Variants in SPTBN2 observed in about 807,000 individuals in gnomAD.
SPTBN2 encodes spectrin beta chain, non-erythrocytic 2.
A neutral mutation model predicts 284.2 loss-of-function variants in SPTBN2; 107 were observed. That is an observed-to-expected ratio of 0.38 (90% CI 0.32 to 0.44). The LOEUF (loss-of-function observed/expected upper bound fraction) is 0.44, where lower values mean the gene tolerates loss of function less well. SPTBN2 is among the 20% of genes least tolerant of loss of function. The pLI, the probability that SPTBN2 is intolerant of heterozygous loss-of-function variation, is 1.00. For synonymous variants in SPTBN2, 1,289 were observed against 1,354.8 expected, an observed-to-expected ratio of 0.95 and a Z score of 1.07; for missense variants, 2,569 against 3,287.1, an observed-to-expected ratio of 0.78 and a Z score of 5.34.
chr11:66,721,216 CTG>C lies in SPTBN2; in HGVS notation c.23_24del (p.Thr8ArgfsTer3). On this transcript the variant is annotated frameshift_variant, in exon 3 of 38. Coordinates refer to ENST00000533211, the MANE Select transcript of SPTBN2 (RefSeq NM_006946.4). LOFTEE classifies it high-confidence loss of function. MSSTLSP[T>X]DFDSLEIQGQ... ...CCCTGGATTTCCAAGCTGTCAAAGT[CTG>C]TGGGTGACAGCGTGCTGCTCATGGT... is the stretch of plus-strand genomic sequence containing the variant. 6.2e-7 allele frequency: 1 copy of C among 1,614,182 alleles called. No individual in the cohort carries two copies. The highest frequency in any genetic ancestry group is 8.5e-7 in the Non-Finnish European group (1 of 1,180,042).
rs1017072990 is a variant in SPTBN2, at chr11:66,696,490, C to T, written c.4065G>A (p.Ser1355=). ...LEKPELKALV[S]EKLRDLHRRW... ...GCCTGTGCAGGTCTCTCAGCTTCTCCGACACCAGGGCTTTCAGCTCTGGCT... is the reference window on the plus strand; with the variant it reads ...GCCTGTGCAGGTCTCTCAGCTTCTCTGACACCAGGGCTTTCAGCTCTGGCT... Residue 1355 remains serine (S), a synonymous_variant, in exon 21 of 38, where the codon TCG becomes TCA. Coordinates refer to ENST00000533211, the MANE Select transcript of SPTBN2 (RefSeq NM_006946.4). The T allele has an allele frequency of 9.3e-6, 15 of 1,612,162 alleles. No homozygotes were observed. The highest frequency in any genetic ancestry group is 1.6e-4 in the Middle Eastern group (1 of 6,084).
rs1259468529 is a variant in SPTBN2 at position 66,700,849 on chromosome 11, T to C, written c.3250A>G (p.Thr1084Ala). 6.2e-7 allele frequency: 1 copy of C among 1,600,030 alleles called. No homozygotes were observed. The highest frequency in any genetic ancestry group is 8.5e-7 in the Non-Finnish European group (1 of 1,179,794). ...LDDFQAWLGR[T>A]QTAVASEEGP... ...TCTTCAGAGGCCACAGCAGTCTGAG[T>C]GCGGCCTAGCCAGGCCTGGAAGTCA... is the stretch of plus-strand genomic sequence containing the variant. The change falls in exon 17 of 38, where the codon ACT becomes GCT. Residue 1084 changes from threonine (T) to alanine (A), a missense_variant. Transcript: ENST00000533211. This position sits in a 1 kb window ranked among gnomAD's most constrained non-coding sequence, Gnocchi z 6.6.
At chr11:66,689,258 G>A (rs1940369424) in intron 29 of SPTBN2, 78 bp from the exon 30 acceptor site, 1 of 1,439,716 alleles carries the variant, frequency 6.9e-7, no homozygotes, top group South Asian at 1.2e-5. Context: ...TCATCCAGGG[G>A]GACAGGTGAT....
At chr11:66,725,777 G>A (rs1202824656) in intron 1 of SPTBN2, among the ~76,000 whole-genome samples, 1 of 152,212 alleles carries the variant, frequency 6.6e-6, no homozygotes, top group African/African-American at 2.4e-5. Flanking sequence ...GGCGCTGCTG[G>A]AGGCAGACTA....
chr11:66,709,816 C>T (rs891667613), intron 10 of SPTBN2, among the ~76,000 whole-genome samples: 1 of 152,160 alleles, frequency 6.6e-6, no homozygotes, highest in Non-Finnish European at 1.5e-5. Context: ...AACAGAATTG[C>T]CTAACAGCAA....
In SPTBN2 at chr11:66,700,946, C is replaced by A; in HGVS notation, c.3153G>T (p.Arg1051Ser). The change falls in exon 17 of 38, where the codon AGG (arginine) becomes AGT (serine). Residue 1051 changes from arginine to serine, a missense_variant. Arg to Ser is a moderately radical substitution (Grantham distance 110). Around this residue, in one of 6 missense-constraint regions of SPTBN2, gnomAD observed 1,012 missense variants for 1,248.9 expected, o/e 0.81. Transcript: ENST00000533211. The surrounding 1 kb of genome is among the most constrained non-coding windows in gnomAD (Gnocchi z 6.6). Reference sequence around the variant, plus strand: ...ACTCTTCTCGACGCCGCATGGTGGCCCTGAGGTCCTCCCAGCCGGTCTGCA... The same window carrying A: ...ACTCTTCTCGACGCCGCATGGTGGCACTGAGGTCCTCCCAGCCGGTCTGCA... ...REVQTGWEDL[R>S]ATMRRREESL... is the part of the protein sequence containing the mutation. 1 of 1,604,272 alleles carries A rather than the reference C, an allele frequency of 6.2e-7. No individual in the cohort carries two copies. The highest frequency in any genetic ancestry group is 8.5e-7 in the Non-Finnish European group (1 of 1,179,840).
Position 66,715,435 on chromosome 11 carries a change from C to T in SPTBN2, c.310-40G>A, listed in dbSNP as rs1942093394. 3 of 1,579,752 alleles carry T rather than the reference C, an allele frequency of 1.9e-6. No individual in the cohort carries two copies. The highest frequency in any genetic ancestry group is 2.7e-5 in the African/African-American group (2 of 74,298). ...GGGCAAAATGGCACGGGACTGTGGG[C>T]TTCCACCTTCTTCCCCAGCCTTCAC... is the stretch of plus-strand genomic sequence containing the variant. On this transcript the variant is annotated intron_variant, in intron 4 of 37. Coordinates refer to ENST00000533211, the MANE Select transcript of SPTBN2 (RefSeq NM_006946.4). The surrounding 1 kb of genome is among the most constrained non-coding windows in gnomAD (Gnocchi z 5.3).
rs55950324 is a variant in SPTBN2 at position 66,683,063 on chromosome 11, A to ATTTTTTT, written c.*2801_*2807dup. Reference sequence around the variant, plus strand: ...ACCACCATGCCTGGCCAAGTAATCCATTTTTTTTTTTTTTTTTTTTTTGAG... The same window carrying ATTTTTTT: ...ACCACCATGCCTGGCCAAGTAATCCATTTTTTTTTTTTTTTTTTTTTTTTTTTTTGAG... On this transcript the variant is annotated 3_prime_UTR_variant, in exon 38 of 38. Coordinates refer to ENST00000533211, the MANE Select transcript of SPTBN2 (RefSeq NM_006946.4). Among the ~76,000 whole-genome samples the ATTTTTTT allele has an allele frequency of 6.3e-5, 6 of 95,730 alleles. No individual in the cohort carries two copies. The highest frequency in any genetic ancestry group is 9.3e-5 in the Non-Finnish European group (5 of 53,974). 62.8% of individuals were successfully genotyped at this position (95,730 alleles called of 152,430 possible).
In SPTBN2 at chr11:66,691,611, G is replaced by A. The variant is rs139852119; in HGVS notation, c.5238C>T (p.Ile1746=). ...FREFSRDTST[I]GQERVDSANA... ...TGGCGCTATCTACGCGCTCCTGACC[G>A]ATGGTGCTTGTGTCCCGGGAGAACT... Residue 1746 remains isoleucine, a synonymous_variant, in exon 27 of 38, where the codon ATC becomes ATT. Coordinates refer to ENST00000533211, the MANE Select transcript of SPTBN2 (RefSeq NM_006946.4). The surrounding 1 kb of genome is among the most constrained non-coding windows in gnomAD (Gnocchi z 8.0). The A allele has an allele frequency of 2.5e-5, 40 of 1,613,856 alleles. No homozygotes were observed. Among genetic ancestry groups the A allele is most frequent in the East Asian group, 2.5e-4 (11 of 44,890 alleles).
intron 29 of SPTBN2, 103 bp from the exon 30 acceptor site, chr11:66,689,283 C>T (rs1490905261): frequency 2.9e-5 from 32 of 1,107,566 alleles, no homozygotes; most frequent in Non-Finnish European, 3.9e-5. Flanking sequence ...TTCTTTCTTT[C>T]TTTTTTTTGA....
intron 19 of SPTBN2, 29 bp downstream of exon 19, chr11:66,698,963 G>A: frequency 6.2e-7 from 1 of 1,612,476 alleles, no homozygotes; most frequent in Non-Finnish European, 8.5e-7. Context: ...GATGGCTAGG[G>A]AATATCCCGG....
intron 15 of SPTBN2, among the ~76,000 whole-genome samples, chr11:66,702,954 A>C (rs955457079): frequency 6.6e-5 from 10 of 151,354 alleles, no homozygotes; most frequent in African/African-American, 2.4e-4. Flanking sequence ...AAAAAAAAAA[A>C]AAAAAACCAA....
intron 1 of SPTBN2, among the ~76,000 whole-genome samples, 153 bp from the exon 2 acceptor site, chr11:66,721,593 T>C (rs2135561479): frequency 6.6e-6 from 1 of 152,240 alleles, no homozygotes; most frequent in South Asian, 2.1e-4. Flanking sequence ...CTTCAGTGCT[T>C]CAGACAGCAG....
At chr11:66,690,898 A>C (rs535454801) in intron 27 of SPTBN2, among the ~76,000 whole-genome samples, 1 of 152,072 alleles carries the variant, frequency 6.6e-6, no homozygotes, top group Admixed American at 6.5e-5. Flanking sequence ...GCTCACTGCA[A>C]CCTCCGCCTC....
chr11:66,718,823 C>T lies in SPTBN2; in HGVS notation c.157+2261G>A, dbSNP rs1483223833. Among the ~76,000 whole-genome samples the T allele has an allele frequency of 1.3e-5, 2 of 152,190 alleles. No homozygotes were observed. The highest frequency in any genetic ancestry group is 2.9e-5 in the Non-Finnish European group (2 of 68,020). On this transcript the variant is annotated intron_variant, in intron 3 of 37. Coordinates refer to ENST00000533211, the MANE Select transcript of SPTBN2 (RefSeq NM_006946.4). This position sits in a 1 kb window ranked among gnomAD's most constrained non-coding sequence, Gnocchi z 4.8. ...CAGAGAGTGGGGGCACGCCTGGCTG[C>T]GGTGAGAGGAGACAGGCGGCTCCAG...
Position 66,688,226 on chromosome 11 carries a change from C to A in SPTBN2, c.6317G>T (p.Ser2106Ile), listed in dbSNP as rs1442368880. ...GCCCACCAGGTCCCCTGGAGGCACA[C>A]TGGCTGTGGGTTCGGGAGCAGGCGG... is the stretch of plus-strand genomic sequence containing the variant. Reference protein sequence around the residue: ...KQPPAPEPTASVPPGDLVGGQ... With the variant: ...KQPPAPEPTAIVPPGDLVGGQ... The change falls in exon 32 of 38, where the codon AGT becomes ATT. Residue 2106 changes from serine (S) to isoleucine (I), a missense_variant. Transcript: ENST00000533211. 1 of 1,613,716 alleles carries A rather than the reference C, an allele frequency of 6.2e-7. No individual in the cohort carries two copies. The highest frequency in any genetic ancestry group is 8.5e-7 in the Non-Finnish European group (1 of 1,180,048).
Position 66,693,505 on chromosome 11 carries a change from C to T in SPTBN2, c.4594-59G>A, listed in dbSNP as rs752564216. On this transcript the variant is annotated intron_variant, in intron 23 of 37. Transcript: ENST00000533211. The surrounding 1 kb of genome is among the most constrained non-coding windows in gnomAD (Gnocchi z 5.7). Reference sequence around the variant, plus strand: ...GTCCTGCCCCAGCCCCACGTGCTCCCGGAGACCACCCTTCACCCCTGTGCC... The same window carrying T: ...GTCCTGCCCCAGCCCCACGTGCTCCTGGAGACCACCCTTCACCCCTGTGCC... 27 of 1,555,218 alleles carry T rather than the reference C, an allele frequency of 1.7e-5. No homozygotes were observed. Among genetic ancestry groups the T allele is most frequent in the Middle Eastern group, 2.1e-4 (1 of 4,804 alleles).
chr11:66,707,892 G>C lies in SPTBN2; in HGVS notation c.1351-74C>G. 6.5e-7 allele frequency: 1 copy of C among 1,547,768 alleles called. No individual in the cohort carries two copies. The highest frequency in any genetic ancestry group is 8.8e-7 in the Non-Finnish European group (1 of 1,141,344). Reference sequence around the variant, plus strand: ...TCTGCCTGCTCCTCTGTCCTGCAGGGCACTTGGCCTGCAAGATCCCAGCTC... The same window carrying C: ...TCTGCCTGCTCCTCTGTCCTGCAGGCCACTTGGCCTGCAAGATCCCAGCTC... On this transcript the variant is annotated intron_variant, in intron 12 of 37. Transcript: ENST00000533211. This position sits in a 1 kb window ranked among gnomAD's most constrained non-coding sequence, Gnocchi z 4.9.
Position 66,721,444 on chromosome 11 carries a change from G to A in SPTBN2, c.-113-4C>T. ...GAGGGGAAGCCACCTGGGAAGCCTG[G>A]GGACGGGAATACATCAGAAGCACAG... On this transcript the variant is annotated splice_region_variant and splice_polypyrimidine_tract_variant and intron_variant, in intron 1 of 37. Coordinates refer to ENST00000533211, the MANE Select transcript of SPTBN2 (RefSeq NM_006946.4). 2 of 669,656 alleles carry A rather than the reference G, an allele frequency of 3.0e-6. No individual in the cohort carries two copies. The highest frequency in any genetic ancestry group is 1.7e-5 in the South Asian group (1 of 59,440). The allele number at this position is 669,656 out of a possible 1,614,324, so 41.5% of individuals were successfully genotyped here.
Sources: gnomAD v4.1 joint callset for allele counts (sites outside exome capture counted in the v4.1 genomes callset) on GRCh38, gnomAD v4.1.1 for gene constraint, gnomAD v4.1.1 regional missense constraint, Gnocchi (gnomAD v3.1) non-coding constraint, MANE v1.5 for transcripts, NCBI Gene and HGNC (gene_info 2026-07-23, HGNC 2026-07-21) for gene names.